FAT2: variants seen among roughly 807,000 people sequenced by gnomAD.
The protein encoded by FAT2 is protocadherin Fat 2.
Under a neutral mutation model 295.3 loss-of-function variants are expected in FAT2, and 150 were observed. That is an observed-to-expected ratio of 0.51 (90% CI 0.44 to 0.58). FAT2 has a LOEUF of 0.58. FAT2 is among the 20% of genes least tolerant of loss of function. The probability of loss-of-function intolerance (pLI) is 0.00; values close to 1 mark genes in which losing one functional copy is unlikely to be tolerated. For synonymous variants in FAT2, 2,026 were observed against 2,150.3 expected, an observed-to-expected ratio of 0.94 and a Z score of 1.60; for missense variants, 4,868 against 5,442.7, an observed-to-expected ratio of 0.89 and a Z score of 3.32.
At chr5:151,581,607 T>G (rs888565062) in intron 1 of FAT2, among the ~76,000 whole-genome samples, 2 of 152,198 alleles carry the variant, frequency 1.3e-5, no homozygotes, top group Non-Finnish European at 2.9e-5. Context: ...TTGGCAGGCA[T>G]TATCTCTTTT....
Position 151,512,473 on chromosome 5 carries a change from A to G in FAT2, c.11597T>C (p.Leu3866Pro). The G allele has an allele frequency of 6.2e-7, 1 of 1,614,182 alleles. No individual in the cohort carries two copies. The highest frequency in any genetic ancestry group is 1.3e-5 in the African/African-American group (1 of 75,038). ...LVEEMDASIR[L>P]MVDSMGNTSL... The stretch of plus-strand genomic sequence containing the variant: ...GGTGTTGCCCATGCTGTCAACCATC[A>G]GGCGAATGGAAGCGTCCATCTCCTC... Residue 3866 changes from leucine (L) to proline (P), a missense_variant, in exon 21 of 24, where the codon CTG becomes CCG. This residue lies in a region of FAT2 where 1,046 missense variants were observed against 1,210.1 expected (regional missense o/e 0.86). Coordinates refer to ENST00000261800, the MANE Select transcript of FAT2 (RefSeq NM_001447.3). This position sits in a 1 kb window ranked among gnomAD's most constrained non-coding sequence, Gnocchi z 4.1.
intron 18 of FAT2, 86 bp from the exon 19 acceptor site, chr5:151,522,172 CG>C (rs1561824717): frequency 1.8e-6 from 2 of 1,109,130 alleles, no homozygotes; most frequent in African/African-American, 3.1e-5. Context: ...TGTGGAGCTA[CG>C]TTTCTCTGCC....
Position 151,540,761 on chromosome 5 carries a change from C to G in FAT2, c.8845G>C (p.Gly2949Arg), listed in dbSNP as rs780792641. 7 of 1,612,174 alleles carry G rather than the reference C, an allele frequency of 4.3e-6. No individual in the cohort carries two copies. The Admixed American group carries it at 8.3e-5, about 19-fold the overall frequency. ...ATGCCAAACTGGCCCAGGGGGTCTC[C>G]CTCTAAACAGATGGGGCAGAGCTTT... Reference protein sequence around the residue: ...NRQVTCYITEGDPLGQFGISQ... With the variant: ...NRQVTCYITERDPLGQFGISQ... Residue 2949 changes from glycine (G) to arginine (R), a missense_variant and splice_region_variant, in exon 11 of 24, where the codon GGA becomes CGA. By Grantham distance (125) the Gly-to-Arg change is moderately radical. Transcript: ENST00000261800.
At position 151,542,314 on chromosome 5, in the gene FAT2, T is replaced by A; in HGVS notation, c.8813A>T (p.Gln2938Leu). ...LKTLDADISE[Q>L]NRQVTCYITE... ...GATGTAGCAGGTGACCTGCCTGTTC[T>A]GCTCAGAAATGTCAGCATCCAGGGT... The change falls in exon 10 of 24, where the codon CAG becomes CTG. Residue 2938 changes from glutamine (Q) to leucine (L), a missense_variant. Gln to Leu is a moderately radical substitution (Grantham distance 113). Coordinates refer to ENST00000261800, the MANE Select transcript of FAT2 (RefSeq NM_001447.3). The A allele has an allele frequency of 6.2e-7, 1 of 1,610,244 alleles. No homozygotes were observed.
intron 15 of FAT2, 48 bp downstream of exon 15, chr5:151,529,130 C>T: frequency 6.6e-7 from 1 of 1,515,310 alleles, no homozygotes; most frequent in African/African-American, 1.4e-5. Flanking sequence ...AGATAAGAAC[C>T]CATCCCAGAG....
At position 151,527,306 on chromosome 5, in the gene FAT2, G is replaced by C. The variant is rs375180413; in HGVS notation, c.10236C>G (p.Ile3412Met). The change falls in exon 17 of 24, where the codon ATC becomes ATG. Residue 3412 changes from isoleucine (I) to methionine (M), a missense_variant. Around this residue, in one of 5 missense-constraint regions of FAT2, gnomAD observed 1,046 missense variants for 1,210.1 expected, o/e 0.86. Coordinates refer to ENST00000261800, the MANE Select transcript of FAT2 (RefSeq NM_001447.3). ...GQPPLHEDTD[I>M]AIQVADVNDN... ...CATTGACATCAGCCACTTGGATAGC[G>C]ATGTCTGTGTCCTCATGCAGTGGAG... The C allele has an allele frequency of 1.9e-6, 3 of 1,613,760 alleles. No homozygotes were observed. The Admixed American group carries it at 5.0e-5, about 27-fold the overall frequency.
rs375267780 is a variant in FAT2, at chr5:151,544,810, G to A, written c.6317C>T (p.Thr2106Ile). ...DEDLGTNGAV[T>I]YEFAEDYTYF... ...TGTGTAATCTTCTGCAAATTCATAT[G>A]TAACAGCCCCATTTGTCCCCAAGTC... Residue 2106 changes from threonine (T) to isoleucine (I), a missense_variant, in exon 10 of 24, where the codon ACA (threonine) becomes ATA (isoleucine). Around this residue, in one of 5 missense-constraint regions of FAT2, gnomAD observed 3,297 missense variants for 3,669.4 expected, o/e 0.90. Coordinates refer to ENST00000261800, the MANE Select transcript of FAT2 (RefSeq NM_001447.3). 5.0e-5 allele frequency: 81 copies of A among 1,614,086 alleles called. No homozygotes were observed. The highest frequency in any genetic ancestry group is 7.6e-6 in the Non-Finnish European group (9 of 1,180,046).
At position 151,512,928 on chromosome 5, in the gene FAT2, T is replaced by C. The variant is rs10476987; in HGVS notation, c.11464-322A>G. On this transcript the variant is annotated intron_variant, in intron 20 of 23. Coordinates refer to ENST00000261800, the MANE Select transcript of FAT2 (RefSeq NM_001447.3). The surrounding 1 kb of genome is among the most constrained non-coding windows in gnomAD (Gnocchi z 4.1). ...TGCTTCTTCACAGGCCTGTCCAGAGTTCCACACTTGTGAATATTGGCCTTC... is the reference window on the plus strand; with the variant it reads ...TGCTTCTTCACAGGCCTGTCCAGAGCTCCACACTTGTGAATATTGGCCTTC... Among the ~76,000 whole-genome samples the C allele has an allele frequency of 0.57, 86,031 of 152,066 alleles. 24,820 individuals are homozygous for C. Among genetic ancestry groups the C allele is most frequent in the East Asian group, 0.83 (4,309 of 5,186 alleles).
At chr5:151,554,310 C>T (rs1757494651) in intron 5 of FAT2, 52 bp downstream of exon 5, 1 of 1,534,228 alleles carries the variant, frequency 6.5e-7, no homozygotes, top group Non-Finnish European at 8.9e-7. Flanking sequence ...TCAAAGAAGG[C>T]CACTAACCAG....
At chr5:151,591,486 A>C (rs1278433151), upstream of FAT2, among the ~76,000 whole-genome samples, 1 of 152,190 alleles carries the variant, frequency 6.6e-6, no homozygotes, top group African/African-American at 2.4e-5. Context: ...ATGGAAAATG[A>C]AAGGAGCTGA....
chr5:151,544,316 T>C lies in FAT2; in HGVS notation c.6811A>G (p.Thr2271Ala). The C allele has an allele frequency of 1.9e-6, 3 of 1,614,130 alleles. No homozygotes were observed. The highest frequency in any genetic ancestry group is 2.5e-6 in the Non-Finnish European group (3 of 1,180,024). Residue 2271 changes from threonine to alanine, a missense_variant, in exon 10 of 24, where the codon ACT becomes GCT. Physicochemically the swap from Thr to Ala is moderately conservative, Grantham distance 58. Coordinates refer to ENST00000261800, the MANE Select transcript of FAT2 (RefSeq NM_001447.3). ...LVEDVNDNPP[T>A]FSQLVYTTSI... is the part of the protein sequence containing the mutation. ...GTGGTATAGACCAATTGGGAAAAAG[T>C]GGGAGGGTTATCATTGACATCCTCC...
chr5:151,550,173 G>A (rs1189105410), intron 8 of FAT2, among the ~76,000 whole-genome samples: 1 of 152,162 alleles, frequency 6.6e-6, no homozygotes, highest in Non-Finnish European at 1.5e-5. Flanking sequence ...AAAAATGCAG[G>A]CACATGGCCC....
At chr5:151,572,849 T>G (rs1489657975) in intron 1 of FAT2, among the ~76,000 whole-genome samples, 1 of 152,226 alleles carries the variant, frequency 6.6e-6, no homozygotes, top group Non-Finnish European at 1.5e-5. Flanking sequence ...CTAAGCTTGC[T>G]GGCCTAGCCA....
Position 151,545,939 on chromosome 5 carries a change from T to C in FAT2, c.5188A>G (p.Ile1730Val). 1 of 1,614,094 alleles carries C rather than the reference T, an allele frequency of 6.2e-7. No individual in the cohort carries two copies. The highest frequency in any genetic ancestry group is 2.2e-5 in the East Asian group (1 of 44,888). ...GCACCTGCCATATTGCTGCCTCGGA[T>C]TTTCAGCTGGTAAGACGAGATTTTC... ...HEKISSYQLK[I>V]RGSNMAGAFT... Residue 1730 changes from isoleucine to valine, a missense_variant, in exon 10 of 24, where the codon ATC becomes GTC. This residue lies in a region of FAT2 where 3,297 missense variants were observed against 3,669.4 expected (regional missense o/e 0.90). Coordinates refer to ENST00000261800, the MANE Select transcript of FAT2 (RefSeq NM_001447.3).
chr5:151,583,218 C>T (rs1759032759), intron 1 of FAT2, among the ~76,000 whole-genome samples: 2 of 152,166 alleles, frequency 1.3e-5, no homozygotes, highest in African/African-American at 4.8e-5. Context: ...TAAGTGTGAA[C>T]ATATGTTCAC....
upstream of FAT2, among the ~76,000 whole-genome samples, chr5:151,592,838 A>T (rs559502159): frequency 2.0e-5 from 3 of 152,148 alleles, no homozygotes; most frequent in South Asian, 6.2e-4. Context: ...AATTAGTGAA[A>T]CCATGAAGGT....
intron 1 of FAT2, among the ~76,000 whole-genome samples, chr5:151,571,108 A>G (rs1308821869): frequency 6.6e-6 from 1 of 152,110 alleles, no homozygotes; most frequent in Non-Finnish European, 1.5e-5. Context: ...AGTTAGTGGC[A>G]GAAAGAGCTG....
chr5:151,585,326 T>C (rs1759127445), intron 1 of FAT2, among the ~76,000 whole-genome samples: 1 of 152,200 alleles, frequency 6.6e-6, no homozygotes, highest in African/African-American at 2.4e-5. Flanking sequence ...TTTATAAAAA[T>C]TTATCAGCTG....
rs1561853263 is a variant in FAT2, at chr5:151,544,995, G to A, written c.6132C>T (p.Asp2044=). 6.2e-7 allele frequency: 1 copy of A among 1,614,040 alleles called. No homozygotes were observed. Among genetic ancestry groups the A allele is most frequent in the Non-Finnish European group, 8.5e-7 (1 of 1,180,034 alleles). Reference sequence around the variant, plus strand: ...GAGCCACCCGCTGAGGTGTCCGATTGTCCCTCACTTCCACTGCCAACTCAT... The same window carrying A: ...GAGCCACCCGCTGAGGTGTCCGATTATCCCTCACTTCCACTGCCAACTCAT... ...DTHELAVEVR[D]NRTPQRVAQG... The change falls in exon 10 of 24, where the codon GAC becomes GAT. Residue 2044 remains aspartate, a synonymous_variant. Transcript: ENST00000261800.
Sources: allele counts gnomAD v4.1 joint callset (sites outside exome capture counted in the v4.1 genomes callset), GRCh38; gene constraint gnomAD v4.1.1; regional missense constraint gnomAD v4.1.1; non-coding constraint Gnocchi (gnomAD v3.1); transcripts MANE v1.5; gene names NCBI Gene and HGNC (gene_info 2026-07-23, HGNC 2026-07-21).